Variants in GUCY1A2 observed in about 807,000 individuals in gnomAD.
The protein encoded by GUCY1A2 is guanylate cyclase soluble subunit alpha-2.
A neutral mutation model predicts 63.5 loss-of-function variants in GUCY1A2; 27 were observed. That is an observed-to-expected ratio of 0.43 (90% CI 0.31 to 0.59). GUCY1A2 has a LOEUF of 0.59. Among genes scored for constraint, GUCY1A2 ranks in the 20% least tolerant of loss-of-function variants. The probability of loss-of-function intolerance (pLI) is 0.11; values close to 1 mark genes in which losing one functional copy is unlikely to be tolerated. For missense variants in GUCY1A2, 768 were observed against 913.3 expected (o/e 0.84, Z 2.05); for synonymous variants, 364 against 343.5 (o/e 1.06, Z -0.66).
chr11:106,801,871 TA>T (rs2135419322), intron 5 of GUCY1A2, among the ~76,000 whole-genome samples: 1 of 152,164 alleles, frequency 6.6e-6, no homozygotes, highest in Non-Finnish European at 1.5e-5. Context: ...AAAATTGAAA[TA>T]AAAATTTAAA....
intron 5 of GUCY1A2, among the ~76,000 whole-genome samples, chr11:106,796,578 T>C (rs1295483103): frequency 6.6e-6 from 1 of 152,166 alleles, no homozygotes; most frequent in Non-Finnish European, 1.5e-5. Context: ...AAAATTCTTT[T>C]CTTTAAGAAT....
intron 4 of GUCY1A2, among the ~76,000 whole-genome samples, chr11:106,856,418 G>T (rs1341128137): frequency 6.6e-6 from 1 of 151,934 alleles, no homozygotes; most frequent in Non-Finnish European, 1.5e-5. Context: ...GAATAAAAAA[G>T]ATCTGCCTTT....
At chr11:106,949,242 A>G (rs763147697) in intron 3 of GUCY1A2, among the ~76,000 whole-genome samples, 2 of 152,138 alleles carry the variant, frequency 1.3e-5, no homozygotes, top group African/African-American at 4.8e-5. Context: ...AAGCCCTCCA[A>G]TGACTGTTGC....
At chr11:106,995,836 T>C (rs1330092626) in intron 1 of GUCY1A2, among the ~76,000 whole-genome samples, 2 of 152,184 alleles carry the variant, frequency 1.3e-5, no homozygotes, top group African/African-American at 4.8e-5. Flanking sequence ...TTTCAGCTCA[T>C]AGGTACCCTA....
chr11:106,986,279 G>A, intron 1 of GUCY1A2, 148 bp from the exon 2 acceptor site: 1 of 499,610 alleles, frequency 2.0e-6, no homozygotes, highest in East Asian at 3.2e-5. Flanking sequence ...ATCATGCCAT[G>A]TATTTTCCCC....
In GUCY1A2 at chr11:106,687,473, T is replaced by C. The variant is rs1427832817; in HGVS notation, c.*76A>G. 4 of 1,047,724 alleles carry C rather than the reference T, an allele frequency of 3.8e-6. No homozygotes were observed. In the Admixed American group the frequency reaches 7.3e-5, roughly 19 times the overall value. The allele number at this position is 1,047,724 out of a possible 1,614,324, so 64.9% of individuals were successfully genotyped here. On this transcript the variant is annotated 3_prime_UTR_variant, in exon 8 of 8. Transcript: ENST00000526355. ...CAACAAAGCAATGAAAGAGACACAA[T>C]CTCTTTCCACCCCCCATTGGTGACC... is the stretch of plus-strand genomic sequence containing the variant.
At chr11:106,838,362 T>G (rs1026183647) in intron 4 of GUCY1A2, among the ~76,000 whole-genome samples, 1 of 151,946 alleles carries the variant, frequency 6.6e-6, no homozygotes, top group Admixed American at 6.6e-5. Context: ...GTAGAGTCAA[T>G]CAATGTATGA....
chr11:106,946,109 T>C (rs1860824745), intron 3 of GUCY1A2, among the ~76,000 whole-genome samples: 1 of 151,992 alleles, frequency 6.6e-6, no homozygotes, highest in Non-Finnish European at 1.5e-5. Context: ...GGGGAGAAGG[T>C]AGAGAGGAGA....
At chr11:106,838,215 G>A (rs909013319) in intron 4 of GUCY1A2, among the ~76,000 whole-genome samples, 5 of 151,900 alleles carry the variant, frequency 3.3e-5, no homozygotes, top group Non-Finnish European at 5.9e-5. Flanking sequence ...TTAGCACATT[G>A]TCTCTTGTAG....
intron 5 of GUCY1A2, among the ~76,000 whole-genome samples, chr11:106,782,809 T>C (rs761547972): frequency 4.6e-5 from 7 of 152,142 alleles, no homozygotes; most frequent in Non-Finnish European, 8.8e-5. Flanking sequence ...GGATACTTAC[T>C]AGTAACAGAA....
intron 5 of GUCY1A2, among the ~76,000 whole-genome samples, chr11:106,805,583 T>C: frequency 6.6e-6 from 1 of 152,138 alleles, no homozygotes; most frequent in East Asian, 1.9e-4. Flanking sequence ...GTAAGATGAT[T>C]TTTAAAACCA....
intron 6 of GUCY1A2, among the ~76,000 whole-genome samples, chr11:106,723,400 T>G (rs1863351866): frequency 6.6e-6 from 1 of 152,250 alleles, no homozygotes; most frequent in South Asian, 2.1e-4. Flanking sequence ...CTGTTTTGTT[T>G]TGTTTTCATT....
At position 107,018,036 on chromosome 11, in the gene GUCY1A2, G is replaced by A. The variant is rs770545095; in HGVS notation, c.20C>T (p.Ser7Leu). The A allele has an allele frequency of 3.4e-6, 5 of 1,470,912 alleles. No homozygotes were observed. In the South Asian group the frequency reaches 5.2e-5, roughly 15 times the overall value. 91.1% of individuals were successfully genotyped at this position (1,470,912 alleles called of 1,614,324 possible). A position where few individuals can be genotyped will look rare whatever the true frequency, so the allele number is the denominator to read the frequency against. ...GCCCAGGGAGCTGAAGGACTCGGAC[G>A]AAATCTTCCTTCGAGACATGCTGCC... MSRRKI[S>L]SESFSSLGSD... The change falls in exon 1 of 8, where the codon TCG (serine) becomes TTG (leucine). Residue 7 changes from serine to leucine, a missense_variant. By Grantham distance (145) the Ser-to-Leu change is moderately radical. Coordinates refer to ENST00000526355, the MANE Select transcript of GUCY1A2 (RefSeq NM_000855.3).
chr11:106,722,959 C>G (rs896353949), intron 6 of GUCY1A2, among the ~76,000 whole-genome samples: 1 of 152,120 alleles, frequency 6.6e-6, no homozygotes, highest in Non-Finnish European at 1.5e-5. Context: ...AAAGCAATAT[C>G]TTCAATAGCA....
chr11:106,853,418 T>C (rs2135452045), intron 4 of GUCY1A2, among the ~76,000 whole-genome samples: 1 of 152,156 alleles, frequency 6.6e-6, no homozygotes, highest in South Asian at 2.1e-4. Context: ...TAATTATTTC[T>C]TCTGCTTGAT....
intron 4 of GUCY1A2, among the ~76,000 whole-genome samples, chr11:106,877,106 C>T (rs141348127): frequency 2.4e-4 from 36 of 152,086 alleles, no homozygotes; most frequent in African/African-American, 8.7e-4. Flanking sequence ...AAAAAGGGTT[C>T]CTGATTTGGC....
chr11:106,777,445 C>CAA (rs34353077), intron 5 of GUCY1A2, among the ~76,000 whole-genome samples: 1,111 of 91,258 alleles, frequency 0.012, 22 homozygotes, highest in Non-Finnish European at 0.015. Flanking sequence ...GACTTGGTCT[C>CAA]AAAAAAAAAA....
chr11:106,993,624 A>C (rs1486267964), intron 1 of GUCY1A2, among the ~76,000 whole-genome samples: 1 of 152,152 alleles, frequency 6.6e-6, no homozygotes, highest in East Asian at 1.9e-4. Context: ...CTTTTTTTAA[A>C]AAAAATAAAA....
chr11:106,799,805 C>A (rs975671806), intron 5 of GUCY1A2, among the ~76,000 whole-genome samples: 40 of 152,120 alleles, frequency 2.6e-4, no homozygotes, highest in Non-Finnish European at 4.1e-4. Context: ...AAAACCTAGG[C>A]AATACCATTC....
Sources: allele counts gnomAD v4.1 joint callset (sites outside exome capture counted in the v4.1 genomes callset), GRCh38; gene constraint gnomAD v4.1.1; transcripts MANE v1.5; gene names NCBI Gene and HGNC (gene_info 2026-07-23, HGNC 2026-07-21).